INTS14: variants seen among roughly 807,000 people sequenced by gnomAD.
INTS14 encodes the protein integrator complex subunit 14.
Under a neutral mutation model 56.9 loss-of-function variants are expected in INTS14, and 27 were observed. That is an observed-to-expected ratio of 0.47 (90% CI 0.35 to 0.65). The LOEUF is 0.65. INTS14 is among the 30% of genes least tolerant of loss of function. INTS14 has a pLI of 0.00. For synonymous variants in INTS14, 207 were observed against 236.2 expected (o/e 0.88, Z 1.13); for missense variants, 517 against 632.2 (o/e 0.82, Z 1.95).
intron 6 of INTS14, 51 bp downstream of exon 6, chr15:65,598,270 G>T: frequency 6.4e-7 from 1 of 1,550,946 alleles, no homozygotes; most frequent in East Asian, 2.2e-5. Flanking sequence ...CAAGTCAGAA[G>T]AAAGTAAGGA....
chr15:65,607,390 G>T lies in INTS14; in HGVS notation c.-10C>A. The T allele has an allele frequency of 6.2e-7, 1 of 1,614,082 alleles. No individual in the cohort carries two copies. Among genetic ancestry groups the T allele is most frequent in the South Asian group, 1.1e-5 (1 of 91,040 alleles). On this transcript the variant is annotated 5_prime_UTR_variant, in exon 2 of 12. Coordinates refer to ENST00000313182, the MANE Select transcript of INTS14 (RefSeq NM_001394796.1). ...CCACCACTGTCGGCATGATGAAAAT[G>T]ATCCCAGTGTTCCCAATCAGAATGC... is the stretch of plus-strand genomic sequence containing the variant.
At position 65,607,088 on chromosome 15, in the gene INTS14, C is replaced by A; in HGVS notation, c.222+71G>T. Reference sequence around the variant, plus strand: ...TAATGCCAAAGTTCTAAATATTCAACGCATTATAACACTGTTTTCCTCCCA... The same window carrying A: ...TAATGCCAAAGTTCTAAATATTCAAAGCATTATAACACTGTTTTCCTCCCA... On this transcript the variant is annotated intron_variant, in intron 2 of 11. Transcript: ENST00000313182. 3.9e-6 allele frequency: 6 copies of A among 1,534,270 alleles called. No homozygotes were observed. The South Asian group carries it at 7.3e-5, about 19-fold the overall frequency.
intron 9 of INTS14, chr15:65,586,602 A>G (rs1036572833): frequency 8.5e-5 from 13 of 152,202 alleles, no homozygotes; most frequent in Admixed American, 2.6e-4. Flanking sequence ...TCTGGAGCCT[A>G]TATGTGGTAA....
intron 9 of INTS14, 109 bp from the exon 10 acceptor site, chr15:65,584,997 TTTG>T: frequency 1.1e-6 from 1 of 896,130 alleles, no homozygotes; most frequent in Non-Finnish European, 1.6e-6. Context: ...ATCCTATCAC[TTTG>T]TTAATTAAGA....
chr15:65,607,370 A>G lies in INTS14; in HGVS notation c.11T>C (p.Val4Ala), dbSNP rs1209008599. Residue 4 changes from valine (V) to alanine (A), a missense_variant, in exon 2 of 12, where the codon GTG becomes GCG. Physicochemically the swap from Val to Ala is moderately conservative, Grantham distance 64. Transcript: ENST00000313182. ...GGAAAGGGATACATCCATTACCACCACTGTCGGCATGATGAAAATGATCCC... is the reference window on the plus strand; with the variant it reads ...GGAAAGGGATACATCCATTACCACCGCTGTCGGCATGATGAAAATGATCCC... MPTVVVMDVSLSMT... is the reference protein window; with the variant it reads MPTAVVMDVSLSMT... 6.2e-7 allele frequency: 1 copy of G among 1,614,244 alleles called. No individual in the cohort carries two copies. The highest frequency in any genetic ancestry group is 2.2e-5 in the East Asian group (1 of 44,888).
At chr15:65,589,346 T>C (rs151104804) in intron 9 of INTS14, among the ~76,000 whole-genome samples, 101 of 152,276 alleles carry the variant, frequency 6.6e-4, no homozygotes, top group African/African-American at 2.3e-3. Context: ...TTGGTAGAGA[T>C]AGGGTTTCGC....
chr15:65,593,296 G>T, intron 8 of INTS14, 132 bp downstream of exon 8: 1 of 1,159,042 alleles, frequency 8.6e-7, no homozygotes, highest in Non-Finnish European at 1.2e-6. Flanking sequence ...TAGCAGGTGG[G>T]AAAAGTGTGT....
chr15:65,608,517 TAC>T (rs1244033329), intron 1 of INTS14, among the ~76,000 whole-genome samples: 1 of 152,140 alleles, frequency 6.6e-6, no homozygotes, highest in Non-Finnish European at 1.5e-5. Context: ...TAAAAAAGTT[TAC>T]AGATACACAG....
At position 65,598,988 on chromosome 15, in the gene INTS14, GAGCTATAA is replaced by G. The variant is rs1488553230; in HGVS notation, c.487-6_488del. ...GGCATTCCAAGGAATCGGTGCTCTGGAGCTATAAAGCAAAACAGATGACCCTTAAAGTG... is the reference window on the plus strand; with the variant it reads ...GGCATTCCAAGGAATCGGTGCTCTGGAGCAAAACAGATGACCCTTAAAGTG... On this transcript the variant is annotated splice_acceptor_variant and splice_polypyrimidine_tract_variant and coding_sequence_variant and intron_variant, in exon 5 of 12. Coordinates refer to ENST00000313182, the MANE Select transcript of INTS14 (RefSeq NM_001394796.1). LOFTEE classifies it high-confidence loss of function. 15 of 1,612,328 alleles carry G rather than the reference GAGCTATAA, an allele frequency of 9.3e-6. No homozygotes were observed. The highest frequency in any genetic ancestry group is 1.3e-5 in the Non-Finnish European group (15 of 1,179,062).
chr15:65,607,886 T>C (rs952415003), intron 1 of INTS14, among the ~76,000 whole-genome samples: 12 of 152,226 alleles, frequency 7.9e-5, no homozygotes, highest in Admixed American at 5.2e-4. Flanking sequence ...TTTAATTATT[T>C]TGTTGGTTGG....
At chr15:65,584,934 T>C in intron 9 of INTS14, 46 bp from the exon 10 acceptor site, 2 of 1,494,264 alleles carry the variant, frequency 1.3e-6, no homozygotes, top group Non-Finnish European at 9.2e-7. Flanking sequence ...TAAAACACAA[T>C]CAGTTACATT....
At chr15:65,604,219 A>C (rs1038524377) in intron 3 of INTS14, among the ~76,000 whole-genome samples, 69 of 152,220 alleles carry the variant, frequency 4.5e-4, no homozygotes, top group African/African-American at 1.6e-3. Flanking sequence ...AGTAGCTGGG[A>C]CTACAGGTGC....
At chr15:65,591,967 A>C (rs79372116) in intron 8 of INTS14, among the ~76,000 whole-genome samples, 31 of 152,368 alleles carry the variant, frequency 2.0e-4, no homozygotes, top group African/African-American at 7.5e-4. Flanking sequence ...TATGGAAATC[A>C]AAAGCAATCT....
Position 65,591,698 on chromosome 15 carries a change from A to G in INTS14, c.1020T>C (p.Ala340=). ...PEWHGMLYSQ[A]DSKKKSNLMM... ...TGAGGTTTGATTTCTTCTTGCTGTC[A>G]GCTTGGGAGTAGAGCATTCCATGCC... The change falls in exon 9 of 12, where the codon GCT becomes GCC. Residue 340 remains alanine, a synonymous_variant. Coordinates refer to ENST00000313182, the MANE Select transcript of INTS14 (RefSeq NM_001394796.1). 6.2e-7 allele frequency: 1 copy of G among 1,614,174 alleles called. No homozygotes were observed. Among genetic ancestry groups the G allele is most frequent in the South Asian group, 1.1e-5 (1 of 91,080 alleles).
rs933435971 is a variant in INTS14 at position 65,605,135 on chromosome 15, A to G, written c.324T>C (p.Pro108=). The G allele has an allele frequency of 1.9e-6, 3 of 1,613,032 alleles. No homozygotes were observed. The African/African-American group carries it at 4.0e-5, about 22-fold the overall frequency. ...AAAAAGAATTGATCATTACCTGGCA[A>G]GGAATTGCACCACCCCATTCTTGCT... ...IVQQEWGGAI[P]CQVVLVTDGC... The change falls in exon 3 of 12, where the codon CCT becomes CCC. Residue 108 remains proline (P), a synonymous_variant. Transcript: ENST00000313182.
chr15:65,606,444 G>A (rs957281498), intron 2 of INTS14, among the ~76,000 whole-genome samples: 3 of 150,976 alleles, frequency 2.0e-5, no homozygotes, highest in Non-Finnish European at 2.9e-5. Context: ...AAATAGAGAC[G>A]GGATCTTGCC....
intron 11 of INTS14, among the ~76,000 whole-genome samples, chr15:65,579,912 C>A (rs1002763127): frequency 1.3e-5 from 2 of 152,154 alleles, no homozygotes; most frequent in Non-Finnish European, 2.9e-5. Context: ...AGTTAATGAG[C>A]ATTTATGCCA....
At chr15:65,587,494 G>T (rs78693758) in intron 9 of INTS14, among the ~76,000 whole-genome samples, 7,299 of 152,180 alleles carry the variant, frequency 0.048, 600 homozygotes, top group African/African-American at 0.17. Flanking sequence ...ATACAAATTG[G>T]TATAGCTTAG....
At chr15:65,604,276 G>T (rs1392357525) in intron 3 of INTS14, among the ~76,000 whole-genome samples, 4 of 152,078 alleles carry the variant, frequency 2.6e-5, no homozygotes, top group Non-Finnish European at 5.9e-5. Flanking sequence ...AGAGATGGGG[G>T]TTTCACCATG....
Sources: gnomAD v4.1 joint callset for allele counts (sites outside exome capture counted in the v4.1 genomes callset) on GRCh38, gnomAD v4.1.1 for gene constraint, MANE v1.5 for transcripts, NCBI Gene and HGNC (gene_info 2026-07-23, HGNC 2026-07-21) for gene names.